NRG3: variants seen among roughly 807,000 people sequenced by gnomAD.
The protein encoded by NRG3 is neuregulin 3, also known as pro-neuregulin-3, membrane-bound isoform.
NRG3 carries 31 observed loss-of-function variants against 66.9 expected under a neutral mutation model. The observed-to-expected ratio is 0.46, with a 90% CI of 0.35 to 0.63. The LOEUF (loss-of-function observed/expected upper bound fraction) is 0.63, where lower values mean the gene tolerates loss of function less well. NRG3 is among the 20% of genes least tolerant of loss of function. NRG3 has a pLI of 0.00. For synonymous variants in NRG3, 393 were observed against 359.4 expected (o/e 1.09, Z -1.06); for missense variants, 910 against 878.9 (o/e 1.04, Z -0.45).
At chr10:82,899,297 G>A (rs1470270248) in intron 4 of NRG3, among the ~76,000 whole-genome samples, 1 of 152,016 alleles carries the variant, frequency 6.6e-6, no homozygotes, top group East Asian at 1.9e-4. Flanking sequence ...TTTACTCTTG[G>A]TTTAAAGAAC....
chr10:82,322,959 G>A (rs191359303), intron 1 of NRG3, among the ~76,000 whole-genome samples: 19 of 152,286 alleles, frequency 1.2e-4, no homozygotes, highest in East Asian at 1.9e-4. Flanking sequence ...TCCGTCTGGC[G>A]TACTGTTATT....
At chr10:82,500,821 G>T (rs2132339106) in intron 2 of NRG3, among the ~76,000 whole-genome samples, 1 of 152,132 alleles carries the variant, frequency 6.6e-6, no homozygotes, top group South Asian at 2.1e-4. Flanking sequence ...ATAAACCTGT[G>T]GAAAAACATG....
intron 2 of NRG3, among the ~76,000 whole-genome samples, chr10:82,646,217 G>T (rs552167724): frequency 6.6e-6 from 1 of 152,214 alleles, no homozygotes; most frequent in African/African-American, 2.4e-5. Context: ...AGTAGTGGGG[G>T]TGGGGTTTTA....
chr10:82,581,770 A>C (rs114955065), intron 2 of NRG3, among the ~76,000 whole-genome samples: 4 of 152,046 alleles, frequency 2.6e-5, no homozygotes, highest in African/African-American at 9.7e-5. Context: ...CCACCAAAAA[A>C]TTTGGAAAAA....
chr10:82,778,379 T>G (rs1011191511), intron 3 of NRG3, among the ~76,000 whole-genome samples: 1 of 152,160 alleles, frequency 6.6e-6, no homozygotes, highest in African/African-American at 2.4e-5. Flanking sequence ...TCTGCATTGC[T>G]GGGGAGGCCT....
chr10:82,551,412 C>T (rs1390657354), intron 2 of NRG3, among the ~76,000 whole-genome samples: 1 of 151,936 alleles, frequency 6.6e-6, no homozygotes, highest in African/African-American at 2.4e-5. Context: ...GGAAAAAAGT[C>T]TGTAAATATT....
chr10:82,814,095 T>A (rs1015958235), intron 3 of NRG3, among the ~76,000 whole-genome samples: 8 of 152,234 alleles, frequency 5.3e-5, no homozygotes, highest in African/African-American at 1.2e-4. Flanking sequence ...TATCAGGATC[T>A]CCTTTGATGT....
In NRG3 at chr10:82,978,925, G is replaced by A. The variant is rs758294955; in HGVS notation, c.1413-25G>A. 1.4e-5 allele frequency: 23 copies of A among 1,608,146 alleles called. No individual in the cohort carries two copies. The Admixed American group carries it at 3.7e-4, about 26-fold the overall frequency. On this transcript the variant is annotated intron_variant, in intron 7 of 8. Coordinates refer to ENST00000372141, the MANE Select transcript of NRG3 (RefSeq NM_001010848.4). ...TATGATGTCTTTTGTTTGTTTGTTT[G>A]TCTGTTTTCATTCCACCCCAGCAGG...
In NRG3 at chr10:82,103,597, A is replaced by G. The variant is rs138657942; in HGVS notation, c.823+227434A>G. Among the ~76,000 whole-genome samples the G allele has an allele frequency of 4.6e-5, 7 of 152,268 alleles. No individual in the cohort carries two copies. In the East Asian group the frequency reaches 1.2e-3, roughly 25 times the overall value. On this transcript the variant is annotated intron_variant, in intron 1 of 8. Transcript: ENST00000372141. ...TATTTTTACTTTCAAAGCCTTTGAC[A>G]TGCTTCTTTGGGTCTATTACATGCG...
chr10:82,153,758 A>G (rs1440346377), intron 1 of NRG3, among the ~76,000 whole-genome samples: 1 of 152,030 alleles, frequency 6.6e-6, no homozygotes, highest in Non-Finnish European at 1.5e-5. Context: ...TAGCTATCCT[A>G]CAGGTATGAG....
intron 6 of NRG3, among the ~76,000 whole-genome samples, chr10:82,968,238 A>G (rs184663669): frequency 6.0e-4 from 92 of 152,334 alleles, no homozygotes; most frequent in Middle Eastern, 6.8e-3. Context: ...AAGTTGGTCA[A>G]ATTATTAGAC....
intron 2 of NRG3, among the ~76,000 whole-genome samples, chr10:82,688,197 C>T (rs181149718): frequency 3.9e-5 from 6 of 152,290 alleles, no homozygotes; most frequent in Non-Finnish European, 5.9e-5. Flanking sequence ...CATGTACATC[C>T]GATACCCTTG....
chr10:82,977,332 G>C (rs1012569248), intron 7 of NRG3, among the ~76,000 whole-genome samples: 4 of 152,174 alleles, frequency 2.6e-5, no homozygotes, highest in African/African-American at 9.6e-5. Flanking sequence ...ATAGGGGCTA[G>C]GCACAGTGGC....
chr10:81,884,417 T>A (rs1842436799), intron 1 of NRG3, among the ~76,000 whole-genome samples: 1 of 152,222 alleles, frequency 6.6e-6, no homozygotes, highest in African/African-American at 2.4e-5. Flanking sequence ...GAATGTTGTC[T>A]TCTTGTTTAT....
chr10:82,387,269 A>G (rs1170553200), intron 2 of NRG3, among the ~76,000 whole-genome samples: 1 of 118,326 alleles, frequency 8.5e-6, no homozygotes, highest in African/African-American at 5.4e-5. Flanking sequence ...TTATCATAAA[A>G]CACTCAAAAT....
At chr10:81,904,065 A>G (rs1844357058) in intron 1 of NRG3, among the ~76,000 whole-genome samples, 1 of 151,104 alleles carries the variant, frequency 6.6e-6, no homozygotes, top group African/African-American at 2.4e-5. Flanking sequence ...GCTGGAGTGC[A>G]ATGATGCGAT....
chr10:82,360,365 C>A (rs571556189), intron 2 of NRG3, among the ~76,000 whole-genome samples: 1 of 152,318 alleles, frequency 6.6e-6, no homozygotes, highest in East Asian at 1.9e-4. Context: ...AGTGGCCAAT[C>A]TAATGGGATA....
chr10:82,573,717 G>A (rs1466444705), intron 2 of NRG3, among the ~76,000 whole-genome samples: 1 of 151,692 alleles, frequency 6.6e-6, no homozygotes, highest in Non-Finnish European at 1.5e-5. Flanking sequence ...ATGAAGATGT[G>A]CAACACAAAT....
chr10:82,916,737 T>A (rs1845869945), intron 4 of NRG3, among the ~76,000 whole-genome samples: 1 of 151,964 alleles, frequency 6.6e-6, no homozygotes, highest in African/African-American at 2.4e-5. Context: ...TGCTTCAGCC[T>A]CCCCAGTACC....
Sources: allele counts gnomAD v4.1 joint callset (sites outside exome capture counted in the v4.1 genomes callset), GRCh38; gene constraint gnomAD v4.1.1; transcripts MANE v1.5; gene names NCBI Gene and HGNC (gene_info 2026-07-23, HGNC 2026-07-21).